SPATA17: variants seen among roughly 807,000 people sequenced by gnomAD.
SPATA17 encodes the protein spermatogenesis-associated protein 17.
A neutral mutation model predicts 62.2 loss-of-function variants in SPATA17; 53 were observed. The observed-to-expected ratio is 0.85, with a 90% CI of 0.68 to 1.07. SPATA17 has a LOEUF of 1.07. Among genes scored for constraint, SPATA17 ranks in the 50% least tolerant of loss-of-function variants. The pLI is 0.00. For synonymous variants in SPATA17, 146 were observed against 146.8 expected (o/e 0.99, Z 0.04); for missense variants, 466 against 425.5 (o/e 1.10, Z -0.84).
chr1:217,824,792 T>G (rs1293343277), intron 9 of SPATA17, among the ~76,000 whole-genome samples: 1 of 150,940 alleles, frequency 6.6e-6, no homozygotes, highest in African/African-American at 2.4e-5. Flanking sequence ...TGGTAAAACT[T>G]TTAGGTTAAT....
intron 9 of SPATA17, among the ~76,000 whole-genome samples, chr1:217,815,945 T>A (rs919398901): frequency 6.6e-6 from 1 of 152,154 alleles, no homozygotes; most frequent in Non-Finnish European, 1.5e-5. Context: ...ATAGAGTGAT[T>A]GCATAGTATT....
At chr1:217,657,518 G>A (rs1005234016) in intron 3 of SPATA17, among the ~76,000 whole-genome samples, 1 of 152,122 alleles carries the variant, frequency 6.6e-6, no homozygotes, top group East Asian at 1.9e-4. Flanking sequence ...CATGAGTTGA[G>A]GATACTGTTT....
At chr1:217,815,941 T>C (rs1320899985) in intron 9 of SPATA17, among the ~76,000 whole-genome samples, 1 of 152,084 alleles carries the variant, frequency 6.6e-6, no homozygotes, top group Non-Finnish European at 1.5e-5. Context: ...TTACATAGAG[T>C]GATTGCATAG....
intron 8 of SPATA17, among the ~76,000 whole-genome samples, chr1:217,782,859 G>T (rs1483137034): frequency 6.6e-6 from 1 of 151,722 alleles, no homozygotes; most frequent in African/African-American, 2.4e-5. Flanking sequence ...TCTTAATTCA[G>T]ACATCTTTCT....
intron 5 of SPATA17, among the ~76,000 whole-genome samples, chr1:217,704,545 C>G (rs1056921792): frequency 6.6e-6 from 1 of 151,848 alleles, no homozygotes; most frequent in African/African-American, 2.4e-5. Context: ...CCACCGCGCC[C>G]GGCCCTTCCC....
At chr1:217,852,257 T>G (rs1295507527) in intron 9 of SPATA17, among the ~76,000 whole-genome samples, 1 of 152,202 alleles carries the variant, frequency 6.6e-6, no homozygotes, top group Non-Finnish European at 1.5e-5. Context: ...TTTTTTCTAA[T>G]TACTTTTTAA....
intron 6 of SPATA17, among the ~76,000 whole-genome samples, chr1:217,762,004 C>T (rs978900334): frequency 1.3e-5 from 2 of 152,162 alleles, no homozygotes; most frequent in Non-Finnish European, 1.5e-5. Context: ...TCCACCTCTT[C>T]GTAGCATCTG....
intron 9 of SPATA17, among the ~76,000 whole-genome samples, chr1:217,856,470 A>T (rs999930952): frequency 5.9e-5 from 9 of 152,330 alleles, no homozygotes; most frequent in African/African-American, 2.2e-4. Context: ...TCTGAGCAGA[A>T]GTAATAAGAA....
chr1:217,784,058 G>A (rs1673796476), intron 8 of SPATA17, among the ~76,000 whole-genome samples: 1 of 151,776 alleles, frequency 6.6e-6, no homozygotes, highest in South Asian at 2.1e-4. Context: ...TTTAACCTAA[G>A]GATAATTCCA....
chr1:217,817,782 C>T (rs1269201569), intron 9 of SPATA17, among the ~76,000 whole-genome samples: 1 of 152,000 alleles, frequency 6.6e-6, no homozygotes, highest in South Asian at 2.1e-4. Context: ...CTGCTGTTGG[C>T]CACATCTTGC....
intron 5 of SPATA17, among the ~76,000 whole-genome samples, chr1:217,727,869 C>T (rs546065772): frequency 1.3e-5 from 2 of 152,138 alleles, no homozygotes; most frequent in African/African-American, 2.4e-5. Context: ...TATCTCTGCA[C>T]CTCACTTTTT....
At chr1:217,770,132 C>T (rs1295135014) in intron 6 of SPATA17, among the ~76,000 whole-genome samples, 1 of 152,150 alleles carries the variant, frequency 6.6e-6, no homozygotes, top group Non-Finnish European at 1.5e-5. Flanking sequence ...ACTACTCTTC[C>T]CTACTGGCTT....
intron 8 of SPATA17, among the ~76,000 whole-genome samples, chr1:217,793,225 T>G (rs80032317): frequency 1.4e-5 from 2 of 140,518 alleles, no homozygotes; most frequent in African/African-American, 5.2e-5. Flanking sequence ...GTTTTTGTTT[T>G]TTTTTTTTTT....
chr1:217,659,457 A>G (rs1400502375), intron 3 of SPATA17, among the ~76,000 whole-genome samples: 2 of 152,114 alleles, frequency 1.3e-5, no homozygotes, highest in Non-Finnish European at 2.9e-5. Flanking sequence ...TTATATTAAT[A>G]TATTTTTAAA....
At chr1:217,857,958 G>A (rs181567528) in intron 9 of SPATA17, among the ~76,000 whole-genome samples, 1 of 152,124 alleles carries the variant, frequency 6.6e-6, no homozygotes, top group Non-Finnish European at 1.5e-5. Flanking sequence ...CAGACACATT[G>A]CAGACACCAA....
intron 3 of SPATA17, among the ~76,000 whole-genome samples, chr1:217,654,530 A>G (rs939251084): frequency 2.0e-5 from 3 of 152,174 alleles, no homozygotes; most frequent in African/African-American, 7.2e-5. Context: ...AGTTGCAAAA[A>G]TAGTACAAAG....
At position 217,869,871 on chromosome 1, in the gene SPATA17, T is replaced by C. The variant is rs1676096730; in HGVS notation, c.*2852T>C. The C allele has an allele frequency of 6.6e-6, 1 of 152,062 alleles. No individual in the cohort carries two copies. Among genetic ancestry groups the C allele is most frequent in the Admixed American group, 6.6e-5 (1 of 15,248 alleles). 9.4% of individuals were successfully genotyped at this position (152,062 alleles called of 1,614,324 possible). On this transcript the variant is annotated 3_prime_UTR_variant, in exon 11 of 11. Transcript: ENST00000366933. Reference sequence around the variant, plus strand: ...GTTTGGAGGGGGGGGTCTTAAAGCTTTATTTTTAGATTACAGCATATTGCT... The same window carrying C: ...GTTTGGAGGGGGGGGTCTTAAAGCTCTATTTTTAGATTACAGCATATTGCT...
intron 8 of SPATA17, among the ~76,000 whole-genome samples, chr1:217,794,168 C>A (rs561631647): frequency 6.6e-6 from 1 of 151,452 alleles, no homozygotes; most frequent in Non-Finnish European, 1.5e-5. Flanking sequence ...AAAAGGATAT[C>A]TAGGATTTGG....
Position 217,652,150 on chromosome 1 carries a change from G to A in SPATA17, c.240+972G>A, listed in dbSNP as rs561658853. ...ATAGATGAATAGAAGAATGAACAAC[G>A]TTTCTGTTTCTACTATGCTGTGCTC... On this transcript the variant is annotated intron_variant, in intron 3 of 10. Coordinates refer to ENST00000366933, the MANE Select transcript of SPATA17 (RefSeq NM_138796.4). Among the ~76,000 whole-genome samples, 59 of 152,274 alleles carry A rather than the reference G, an allele frequency of 3.9e-4. 1 individual carries two copies. The highest frequency in any genetic ancestry group is 1.0e-3 in the African/African-American group (43 of 41,558).
Sources: allele counts gnomAD v4.1 joint callset (sites outside exome capture counted in the v4.1 genomes callset), GRCh38; gene constraint gnomAD v4.1.1; transcripts MANE v1.5; gene names NCBI Gene and HGNC (gene_info 2026-07-23, HGNC 2026-07-21).